Variants in UNC5D observed in about 807,000 individuals in gnomAD.
UNC5D encodes netrin receptor UNC5D.
A neutral mutation model predicts 105.4 loss-of-function variants in UNC5D; 39 were observed. The observed-to-expected ratio is 0.37, with a 90% CI of 0.29 to 0.48. The LOEUF (loss-of-function observed/expected upper bound fraction) is 0.48, where lower values mean the gene tolerates loss of function less well. Ranked by LOEUF, UNC5D falls within the 20% of genes least tolerant of loss-of-function variation. The probability of loss-of-function intolerance (pLI) is 0.98; values close to 1 mark genes in which losing one functional copy is unlikely to be tolerated. For missense variants in UNC5D, 991 were observed against 1,202.4 expected (o/e 0.82, Z 2.60); for synonymous variants, 452 against 450.4 (o/e 1.00, Z -0.04).
At chr8:35,438,297 C>T (rs1022333497) in intron 1 of UNC5D, among the ~76,000 whole-genome samples, 18 of 151,802 alleles carry the variant, frequency 1.2e-4, no homozygotes, top group African/African-American at 3.6e-4. Flanking sequence ...TTGTATAATG[C>T]GAATAAGGTT....
chr8:35,349,354 T>C (rs1812043173), intron 1 of UNC5D, among the ~76,000 whole-genome samples: 1 of 152,010 alleles, frequency 6.6e-6, no homozygotes, highest in African/African-American at 2.4e-5. Flanking sequence ...AATGATCAAT[T>C]AGAAAATGTT....
intron 7 of UNC5D, among the ~76,000 whole-genome samples, chr8:35,688,840 G>A (rs928646257): frequency 1.4e-4 from 22 of 152,172 alleles, no homozygotes; most frequent in Non-Finnish European, 3.1e-4. Flanking sequence ...TCCATAGGAC[G>A]AGTTCATTTA....
chr8:35,489,332 C>G (rs1348599020), intron 1 of UNC5D, among the ~76,000 whole-genome samples: 1 of 152,046 alleles, frequency 6.6e-6, no homozygotes, highest in African/African-American at 2.4e-5. Flanking sequence ...AACACCCTAA[C>G]ACCCGGCCAC....
At chr8:35,760,274 C>T (rs557882370) in intron 14 of UNC5D, among the ~76,000 whole-genome samples, 2 of 152,130 alleles carry the variant, frequency 1.3e-5, no homozygotes, top group East Asian at 3.9e-4. Context: ...AACTCCTGAC[C>T]TCAGGTGATC....
rs369460759 is a variant in UNC5D at position 35,573,127 on chromosome 8, C to T, written c.466+4886C>T. ...GCAATTTTATATTTCTGATGAACTCCCTGGATACCTACAGATGCTGCCAGT... is the reference window on the plus strand; with the variant it reads ...GCAATTTTATATTTCTGATGAACTCTCTGGATACCTACAGATGCTGCCAGT... On this transcript the variant is annotated intron_variant, in intron 3 of 16. Transcript: ENST00000404895. Among the ~76,000 whole-genome samples, 10 of 152,290 alleles carry T rather than the reference C, an allele frequency of 6.6e-5. 1 individual carries two copies. Among genetic ancestry groups the T allele is most frequent in the African/African-American group, 1.9e-4 (8 of 41,562 alleles).
At chr8:35,380,113 G>C (rs1340379389) in intron 1 of UNC5D, among the ~76,000 whole-genome samples, 1 of 134,516 alleles carries the variant, frequency 7.4e-6, no homozygotes, top group East Asian at 2.2e-4. Context: ...GAGAGAGAGA[G>C]AGAGAGAGAG....
intron 1 of UNC5D, among the ~76,000 whole-genome samples, chr8:35,316,672 G>C (rs1461310392): frequency 6.6e-6 from 1 of 152,222 alleles, no homozygotes; most frequent in South Asian, 2.1e-4. Context: ...GATGTTTCAC[G>C]TGAGCCTGAA....
At chr8:35,518,854 A>G (rs1813280804) in intron 1 of UNC5D, among the ~76,000 whole-genome samples, 1 of 146,772 alleles carries the variant, frequency 6.8e-6, no homozygotes, top group African/African-American at 2.6e-5. Context: ...AACTCATCTT[A>G]GAAATTCTCT....
intron 4 of UNC5D, among the ~76,000 whole-genome samples, chr8:35,616,377 A>C (rs1821024969): frequency 6.6e-6 from 1 of 152,238 alleles, no homozygotes; most frequent in Non-Finnish European, 1.5e-5. Flanking sequence ...GCTAAGCAGA[A>C]GGGAAGAGAA....
intron 1 of UNC5D, among the ~76,000 whole-genome samples, chr8:35,376,035 T>A (rs1802681464): frequency 6.6e-6 from 1 of 152,222 alleles, no homozygotes; most frequent in South Asian, 2.1e-4. Flanking sequence ...GAAACCTACT[T>A]GTATTATGTG....
intron 4 of UNC5D, among the ~76,000 whole-genome samples, chr8:35,628,514 A>G (rs1821834146): frequency 6.6e-6 from 1 of 152,230 alleles, no homozygotes; most frequent in African/African-American, 2.4e-5. Flanking sequence ...CAAAGTGTGC[A>G]TAGATTTTTC....
At chr8:35,613,399 C>T (rs1011549084) in intron 4 of UNC5D, among the ~76,000 whole-genome samples, 6 of 152,180 alleles carry the variant, frequency 3.9e-5, no homozygotes, top group African/African-American at 1.4e-4. Flanking sequence ...CTGCAGGAGT[C>T]GTTGTTGAGT....
At chr8:35,459,821 T>C (rs1052478584) in intron 1 of UNC5D, among the ~76,000 whole-genome samples, 3 of 152,200 alleles carry the variant, frequency 2.0e-5, no homozygotes, top group African/African-American at 7.2e-5. Context: ...TTCTAACATA[T>C]TGTCGCATAT....
intron 4 of UNC5D, among the ~76,000 whole-genome samples, chr8:35,662,149 G>A (rs144194424): frequency 8.0e-4 from 113 of 141,094 alleles, no homozygotes; most frequent in Non-Finnish European, 1.5e-3. Flanking sequence ...TATCTCTTAC[G>A]TTTAGTAGAG....
At chr8:35,586,855 A>T (rs1052106667) in intron 3 of UNC5D, among the ~76,000 whole-genome samples, 1 of 152,216 alleles carries the variant, frequency 6.6e-6, no homozygotes, top group South Asian at 2.1e-4. Context: ...GAATGAGCCG[A>T]TAACTCCCTG....
intron 1 of UNC5D, among the ~76,000 whole-genome samples, chr8:35,421,270 G>T (rs1423344040): frequency 1.3e-5 from 2 of 152,196 alleles, no homozygotes; most frequent in Admixed American, 6.5e-5. Context: ...ATGGGCTGAG[G>T]TACAGGCTTT....
chr8:35,632,711 C>G (rs1442593024), intron 4 of UNC5D, among the ~76,000 whole-genome samples: 1 of 152,190 alleles, frequency 6.6e-6, no homozygotes, highest in Admixed American at 6.5e-5. Flanking sequence ...ACTTCCACCT[C>G]CCATGTGCCC....
At chr8:35,684,770 C>G (rs373169768) in intron 6 of UNC5D, 21 bp downstream of exon 6, 1 of 1,587,216 alleles carries the variant, frequency 6.3e-7, no homozygotes. Context: ...TGCAGATTCC[C>G]TTTTCCCTTC....
chr8:35,531,992 CT>C (rs1316149916), intron 1 of UNC5D, among the ~76,000 whole-genome samples: 1 of 138,888 alleles, frequency 7.2e-6, no homozygotes, highest in African/African-American at 2.8e-5. Context: ...GGTCTTGACT[CT>C]TTATCCAATT....
Sources: allele counts gnomAD v4.1 joint callset (sites outside exome capture counted in the v4.1 genomes callset), GRCh38; gene constraint gnomAD v4.1.1; transcripts MANE v1.5; gene names NCBI Gene and HGNC (gene_info 2026-07-23, HGNC 2026-07-21).